Variants in AHCYL2 observed in about 807,000 individuals in gnomAD.
AHCYL2 encodes the protein S-adenosylhomocysteine hydrolase-like protein 2.
In AHCYL2, 28 loss-of-function variants were observed where a neutral mutation model predicts 81.4. The ratio of observed to expected loss-of-function variants is 0.34; its 90% CI spans 0.25 to 0.47. The LOEUF (loss-of-function observed/expected upper bound fraction) is 0.47. AHCYL2 is among the 20% of genes least tolerant of loss of function. The pLI, the probability that AHCYL2 is intolerant of heterozygous loss-of-function variation, is 1.00. For synonymous variants in AHCYL2, 272 were observed against 290.2 expected, an observed-to-expected ratio of 0.94 and a Z score of 0.64; for missense variants, 551 against 785.1, an observed-to-expected ratio of 0.70 and a Z score of 3.56.
chr7:129,367,630 G>T (rs1260093140), intron 1 of AHCYL2, among the ~76,000 whole-genome samples: 1 of 152,132 alleles, frequency 6.6e-6, no homozygotes, highest in African/African-American at 2.4e-5. Flanking sequence ...GTCTTGGTTG[G>T]AAACCCTGGC....
intron 1 of AHCYL2, among the ~76,000 whole-genome samples, chr7:129,326,587 G>A (rs145488449): frequency 2.0e-5 from 3 of 152,142 alleles, no homozygotes; most frequent in Non-Finnish European, 4.4e-5. Flanking sequence ...AATGGCAGGG[G>A]AACATTCAAC....
chr7:129,229,583 ACTT>A (rs1156433190), intron 1 of AHCYL2, among the ~76,000 whole-genome samples: 3 of 152,164 alleles, frequency 2.0e-5, no homozygotes, highest in Non-Finnish European at 4.4e-5. Context: ...AGTGATTCTA[ACTT>A]CTTAGATGCT....
chr7:129,290,901 G>C (rs1796827018), intron 1 of AHCYL2, among the ~76,000 whole-genome samples: 1 of 151,434 alleles, frequency 6.6e-6, no homozygotes, highest in Non-Finnish European at 1.5e-5. Context: ...CTGCACTCTA[G>C]CCTGGGCGAC....
chr7:129,278,812 A>T (rs145951003), intron 1 of AHCYL2, among the ~76,000 whole-genome samples: 1 of 125,550 alleles, frequency 8.0e-6, no homozygotes, highest in African/African-American at 3.1e-5. Context: ...TTGCAGTATC[A>T]TTTGTTGGTA....
At chr7:129,333,754 A>G (rs916432722) in intron 1 of AHCYL2, among the ~76,000 whole-genome samples, 3 of 152,248 alleles carry the variant, frequency 2.0e-5, no homozygotes, top group African/African-American at 7.2e-5. Flanking sequence ...TTCATCCTTA[A>G]GCTAGGAAAG....
At position 129,417,125 on chromosome 7, in the gene AHCYL2, C is replaced by T. The variant is rs144312912; in HGVS notation, c.1461+3437C>T. Among the ~76,000 whole-genome samples, 224 of 151,912 alleles carry T rather than the reference C, an allele frequency of 1.5e-3. 1 individual carries two copies. Among genetic ancestry groups the T allele is most frequent in the Non-Finnish European group, 2.6e-3 (180 of 67,962 alleles). On this transcript the variant is annotated intron_variant, in intron 12 of 16. Transcript: ENST00000325006. ...GGGTGACAGAGTGAGACCCTGACTC[C>T]GGCAAAAAAAATTTTTTAAAAAAAG...
intron 1 of AHCYL2, among the ~76,000 whole-genome samples, chr7:129,260,098 A>T (rs1795571599): frequency 6.7e-6 from 1 of 150,290 alleles, no homozygotes; most frequent in Admixed American, 6.6e-5. Flanking sequence ...AAAAAAGCTG[A>T]TATAAGACAA....
At chr7:129,351,900 G>C (rs1486793450) in intron 1 of AHCYL2, among the ~76,000 whole-genome samples, 3 of 152,158 alleles carry the variant, frequency 2.0e-5, no homozygotes, top group Non-Finnish European at 4.4e-5. Context: ...AGCAATGATA[G>C]GTAAGTAATT....
intron 1 of AHCYL2, among the ~76,000 whole-genome samples, chr7:129,351,085 T>G (rs1484400383): frequency 6.6e-6 from 1 of 152,172 alleles, no homozygotes; most frequent in African/African-American, 2.4e-5. Flanking sequence ...TTCTAGAATA[T>G]TATTAAATTC....
rs1797428599 is a variant in AHCYL2 at position 129,427,944 on chromosome 7, T to C, written c.*899T>C. 1 of 152,570 alleles carries C rather than the reference T, an allele frequency of 6.6e-6. No homozygotes were observed. Among genetic ancestry groups the C allele is most frequent in the Non-Finnish European group, 1.5e-5 (1 of 68,044 alleles). The allele number at this position is 152,570 out of a possible 1,614,324, so 9.5% of individuals were successfully genotyped here. On this transcript the variant is annotated 3_prime_UTR_variant, in exon 17 of 17. Coordinates refer to ENST00000325006, the MANE Select transcript of AHCYL2 (RefSeq NM_015328.4). This position sits in a 1 kb window ranked among gnomAD's most constrained non-coding sequence, Gnocchi z 5.5. ...CACTGCTTCCTGAAACTTCCTGCTA[T>C]TGCCTAAAGCTACGTCTGAAACTGA...
At chr7:129,317,656 A>G (rs1295847504) in intron 1 of AHCYL2, among the ~76,000 whole-genome samples, 1 of 152,184 alleles carries the variant, frequency 6.6e-6, no homozygotes, top group Non-Finnish European at 1.5e-5. Context: ...CAGCTTAGGC[A>G]AAGAGTGCTT....
At chr7:129,378,904 T>G (rs1467652774) in intron 1 of AHCYL2, among the ~76,000 whole-genome samples, 2 of 152,218 alleles carry the variant, frequency 1.3e-5, no homozygotes, top group African/African-American at 2.4e-5. Flanking sequence ...TGAATATGAC[T>G]CAATTTTCTA....
chr7:129,248,366 C>A (rs1023512328), intron 1 of AHCYL2, among the ~76,000 whole-genome samples: 1 of 152,198 alleles, frequency 6.6e-6, no homozygotes, highest in African/African-American at 2.4e-5. Flanking sequence ...TGCATATAAC[C>A]TGTGCATATC....
intron 1 of AHCYL2, 26 bp downstream of exon 1, chr7:129,225,465 G>C (rs1314816521): frequency 6.7e-7 from 1 of 1,483,148 alleles, no homozygotes; most frequent in African/African-American, 1.5e-5. Flanking sequence ...TGCCTCTCTA[G>C]GAGAGGAAGG....
intron 1 of AHCYL2, among the ~76,000 whole-genome samples, chr7:129,256,729 G>C (rs989876692): frequency 6.6e-6 from 1 of 151,476 alleles, no homozygotes; most frequent in Non-Finnish European, 1.5e-5. Flanking sequence ...GGGTATATCT[G>C]TTGAACACCT....
intron 2 of AHCYL2, among the ~76,000 whole-genome samples, chr7:129,382,336 A>G (rs1047907793): frequency 6.6e-6 from 1 of 152,244 alleles, no homozygotes; most frequent in Non-Finnish European, 1.5e-5. Flanking sequence ...ACAGTGGCTC[A>G]TGCCTGTAAT....
rs1272900027 is a variant in AHCYL2 at position 129,321,762 on chromosome 7, T to G, written c.364-57876T>G. On this transcript the variant is annotated intron_variant, in intron 1 of 16. Transcript: ENST00000325006. ...TTCTTTGTTTTTTTTTTTTTTTTTT[T>G]TTGGTCTTGGTTTTGTTTTTGTTTT... Among the ~76,000 whole-genome samples the G allele has an allele frequency of 6.4e-4, 87 of 134,946 alleles. 2 individuals carry two copies. The highest frequency in any genetic ancestry group is 2.5e-3 in the African/African-American group (76 of 30,662). 88.5% of individuals were successfully genotyped at this position (134,946 alleles called of 152,430 possible). A position where few individuals can be genotyped will look rare whatever the true frequency, so the allele number is the denominator to read the frequency against.
At chr7:129,425,028 A>G (rs1393315000) in intron 14 of AHCYL2, 35 bp from the exon 15 acceptor site, 11 of 1,613,076 alleles carry the variant, frequency 6.8e-6, no homozygotes, top group South Asian at 1.1e-5. Flanking sequence ...ATTGCCATGA[A>G]TGGCACATCA....
chr7:129,359,852 A>G (rs956843944), intron 1 of AHCYL2, among the ~76,000 whole-genome samples: 1 of 152,240 alleles, frequency 6.6e-6, no homozygotes, highest in African/African-American at 2.4e-5. Flanking sequence ...TAGAGAAGGT[A>G]GCTTAGTGAC....
Sources: gnomAD v4.1 joint callset for allele counts (sites outside exome capture counted in the v4.1 genomes callset) on GRCh38, gnomAD v4.1.1 for gene constraint, Gnocchi (gnomAD v3.1) non-coding constraint, MANE v1.5 for transcripts, NCBI Gene and HGNC (gene_info 2026-07-23, HGNC 2026-07-21) for gene names.